The following SEC14L6 variants were observed in gnomAD, a reference collection of about 807,000 sequenced individuals.
The protein encoded by SEC14L6 is SEC14 like lipid binding 6, also known as SEC14-like protein 6.
Under a neutral mutation model 54.1 loss-of-function variants are expected in SEC14L6, and 40 were observed. The ratio of observed to expected loss-of-function variants is 0.74; its 90% CI spans 0.57 to 0.96. The LOEUF is 0.96. Ranked by LOEUF, SEC14L6 falls within the 40% of genes least tolerant of loss-of-function variation. SEC14L6 has a pLI of 0.00. For missense variants in SEC14L6, 471 were observed against 498.3 expected, an observed-to-expected ratio of 0.95 and a Z score of 0.52; for synonymous variants, 171 against 198.4, an observed-to-expected ratio of 0.86 and a Z score of 1.16.
Position 30,531,884 on chromosome 22 carries a change from C to T in SEC14L6, c.519+19G>A. ...AGGCATTTGACCACCCACCCATGCC[C>T]CTGGCGGGGTCACCTCACCTCCTGG... On this transcript the variant is annotated intron_variant, in intron 6 of 11. Transcript: ENST00000402034. 1 of 1,539,102 alleles carries T rather than the reference C, an allele frequency of 6.5e-7. No homozygotes were observed.
chr22:30,530,763 C>T (rs1228459255), intron 6 of SEC14L6, among the ~76,000 whole-genome samples: 1 of 152,328 alleles, frequency 6.6e-6, no homozygotes, highest in Admixed American at 6.5e-5. Context: ...AAGAAAGGAA[C>T]AGGTAGGCTG....
chr22:30,531,331 T>G (rs1426360119), intron 6 of SEC14L6, among the ~76,000 whole-genome samples: 1 of 150,164 alleles, frequency 6.7e-6, no homozygotes, highest in Non-Finnish European at 1.5e-5. Flanking sequence ...TGCTTGAACC[T>G]GGCAGGTGGA....
intron 6 of SEC14L6, among the ~76,000 whole-genome samples, chr22:30,530,208 G>A (rs1278917975): frequency 6.6e-6 from 1 of 152,018 alleles, no homozygotes; most frequent in Non-Finnish European, 1.5e-5. Context: ...TCACGAGTTC[G>A]AGACCAGGCA....
chr22:30,531,406 CA>C (rs1460194833), intron 6 of SEC14L6, among the ~76,000 whole-genome samples: 1 of 126,688 alleles, frequency 7.9e-6, no homozygotes, highest in Non-Finnish European at 1.6e-5. Flanking sequence ...GACTCTGTCT[CA>C]AAAAAAAGAA....
chr22:30,542,721 G>C, intron 1 of SEC14L6: 1 of 1,571,730 alleles, frequency 6.4e-7, no homozygotes, highest in South Asian at 1.1e-5. Flanking sequence ...CTGGAGAGTC[G>C]GCCGCTCTGC....
chr22:30,532,832 C>T lies in SEC14L6; in HGVS notation c.199G>A (p.Asp67Asn), dbSNP rs1937029993. ...RKHMEFRKQQ[D>N]LANILAWQPP... ...TGCCAGGCAAGGATGTTGGCCAGGT[C>T]TTGTTGCTTCCGGAACTCCATATGC... The change falls in exon 4 of 12, where the codon GAC becomes AAC. Residue 67 changes from aspartate (D) to asparagine (N), a missense_variant. Physicochemically the swap from Asp to Asn is conservative, Grantham distance 23. Coordinates refer to ENST00000402034, the MANE Select transcript of SEC14L6 (RefSeq NM_001193336.4). 6.2e-7 allele frequency: 1 copy of T among 1,613,600 alleles called. No homozygotes were observed. Among genetic ancestry groups the T allele is most frequent in the Admixed American group, 1.7e-5 (1 of 59,868 alleles).
rs1568961593 is a variant in SEC14L6 at position 30,525,719 on chromosome 22, T to C, written c.803A>G (p.Tyr268Cys). 3 of 1,613,928 alleles carry C rather than the reference T, an allele frequency of 1.9e-6. No homozygotes were observed. Among genetic ancestry groups the C allele is most frequent in the African/African-American group, 1.3e-5 (1 of 75,034 alleles). Residue 268 changes from tyrosine (Y) to cysteine (C), a missense_variant, in exon 10 of 12, where the codon TAC becomes TGC. Transcript: ENST00000402034. ...INYGGEVPKS[Y>C]YLCKQVRLQY... The stretch of plus-strand genomic sequence containing the variant: ...CAGCCTCACCTGCTTGCACAGGTAG[T>C]AGCTCTTGGGCACCTCACCCCCGTA...
intron 1 of SEC14L6, among the ~76,000 whole-genome samples, chr22:30,545,006 C>T (rs1311778487): frequency 1.3e-5 from 2 of 152,144 alleles, no homozygotes; most frequent in Non-Finnish European, 2.9e-5. Flanking sequence ...CCGGCACCTC[C>T]CACCCCGCAT....
At chr22:30,539,574 T>G (rs893829595) in intron 1 of SEC14L6, among the ~76,000 whole-genome samples, 1 of 152,088 alleles carries the variant, frequency 6.6e-6, no homozygotes, top group Non-Finnish European at 1.5e-5. Context: ...CTCAGAGAGG[T>G]TGAGCAACTT....
At chr22:30,532,981 G>C in intron 3 of SEC14L6, 125 bp from the exon 4 acceptor site, 1 of 1,507,328 alleles carries the variant, frequency 6.6e-7, no homozygotes, top group Non-Finnish European at 8.9e-7. Context: ...GCATCCCCAG[G>C]CTCCACTGAC....
chr22:30,536,268 G>A (rs980691259), intron 2 of SEC14L6, among the ~76,000 whole-genome samples: 1 of 152,162 alleles, frequency 6.6e-6, no homozygotes, highest in Non-Finnish European at 1.5e-5. Flanking sequence ...TCAACATTCA[G>A]GGATGTGAAT....
Position 30,524,857 on chromosome 22 carries a change from C to T in SEC14L6, c.*140G>A. The T allele has an allele frequency of 1.6e-6, 1 of 629,688 alleles. No homozygotes were observed. The highest frequency in any genetic ancestry group is 2.4e-5 in the Admixed American group (1 of 42,480). The allele number at this position is 629,688 out of a possible 1,614,324, so 39.0% of individuals were successfully genotyped here. On this transcript the variant is annotated 3_prime_UTR_variant, in exon 12 of 12. Transcript: ENST00000402034. Reference sequence around the variant, plus strand: ...TCCCAGCCGTTCCTGAGGAGTGGGCCAGCTGTGATGCATAGGCTGTGACCT... The same window carrying T: ...TCCCAGCCGTTCCTGAGGAGTGGGCTAGCTGTGATGCATAGGCTGTGACCT...
chr22:30,532,251 T>TC lies in SEC14L6; in HGVS notation c.424-254dup, dbSNP rs1026488436. The TC allele has an allele frequency of 6.2e-4, 614 of 985,328 alleles. 1 individual carries two copies. The highest frequency in any genetic ancestry group is 3.8e-3 in the Admixed American group (61 of 16,266). The allele number at this position is 985,328 out of a possible 1,614,324, so 61.0% of individuals were successfully genotyped here. ...CCTCTTCGGTCCAGTGGGGCTGAAA[T>TC]CCCTGTCCCTCTCGTCCAATGAGGC... On this transcript the variant is annotated intron_variant, in intron 5 of 11. Transcript: ENST00000402034.
chr22:30,525,998 G>C, intron 8 of SEC14L6, 66 bp from the exon 9 acceptor site: 1 of 1,538,354 alleles, frequency 6.5e-7, no homozygotes, highest in South Asian at 1.2e-5. Context: ...AGAGGGGGCT[G>C]AGCCCAGGTC....
chr22:30,534,336 A>T (rs768939627), intron 2 of SEC14L6, among the ~76,000 whole-genome samples: 24 of 152,222 alleles, frequency 1.6e-4, no homozygotes, highest in Admixed American at 1.4e-3. Context: ...CATAAGGCTG[A>T]GAATTGTTTA....
intron 1 of SEC14L6, chr22:30,544,415 C>T (rs2085777351): frequency 5.3e-6 from 1 of 186,968 alleles, no homozygotes; most frequent in African/African-American, 2.3e-5. Context: ...GACTACCTCC[C>T]CGATGCTCCG....
chr22:30,542,885 C>G (rs1323225197), intron 1 of SEC14L6: 1 of 1,600,692 alleles, frequency 6.2e-7, no homozygotes. Context: ...ATGGACTTTT[C>G]CATCTGCATC....
At chr22:30,545,694 G>A (rs2085791560) in intron 1 of SEC14L6, among the ~76,000 whole-genome samples, 1 of 152,148 alleles carries the variant, frequency 6.6e-6, no homozygotes, top group South Asian at 2.1e-4. Flanking sequence ...TCAAAGTGCG[G>A]GGATTATAGG....
chr22:30,540,709 C>T (rs1417703220), intron 1 of SEC14L6, among the ~76,000 whole-genome samples: 27 of 102,166 alleles, frequency 2.6e-4, no homozygotes, highest in Non-Finnish European at 5.7e-4. Context: ...AATCAAGACC[C>T]TGTCTCAAAA....
Sources: gnomAD v4.1 joint callset for allele counts (sites outside exome capture counted in the v4.1 genomes callset) on GRCh38, gnomAD v4.1.1 for gene constraint, MANE v1.5 for transcripts, NCBI Gene and HGNC (gene_info 2026-07-23, HGNC 2026-07-21) for gene names.